ST3GAL3: variants seen among roughly 807,000 people sequenced by gnomAD.
ST3GAL3 encodes ST3 beta-galactoside alpha-2,3-sialyltransferase 3.
In ST3GAL3, 21 loss-of-function variants were observed where a neutral mutation model predicts 50.1. The ratio of observed to expected loss-of-function variants is 0.42; its 90% CI spans 0.30 to 0.60. The LOEUF (loss-of-function observed/expected upper bound fraction) is 0.60. Among genes scored for constraint, ST3GAL3 ranks in the 20% least tolerant of loss-of-function variants. ST3GAL3 has a pLI of 0.19. For synonymous variants in ST3GAL3, 183 were observed against 190.0 expected (o/e 0.96, Z 0.30); for missense variants, 353 against 489.4 (o/e 0.72, Z 2.63).
chr1:43,761,847 A>T (rs1187131841), intron 2 of ST3GAL3, among the ~76,000 whole-genome samples: 1 of 145,998 alleles, frequency 6.8e-6, no homozygotes. Context: ...GCTACTCGGG[A>T]GGCTGGGGCA....
At chr1:43,879,602 A>C in intron 5 of ST3GAL3, 1 of 362,424 alleles carries the variant, frequency 2.8e-6, no homozygotes, top group South Asian at 2.1e-5. Context: ...AGATGAGTCA[A>C]GAATGACTCC....
intron 9 of ST3GAL3, among the ~76,000 whole-genome samples, chr1:43,902,137 G>A (rs1259982931): frequency 6.6e-6 from 1 of 152,176 alleles, no homozygotes; most frequent in African/African-American, 2.4e-5. Context: ...CTCCTGTCTG[G>A]TGCCCTAGTC....
At chr1:43,894,069 G>T in intron 5 of ST3GAL3, 1 of 406,806 alleles carries the variant, frequency 2.5e-6, no homozygotes, top group Non-Finnish European at 4.7e-6. Context: ...ACTATTTGAT[G>T]AATGCCTGCA....
chr1:43,792,233 C>A, intron 3 of ST3GAL3, 84 bp downstream of exon 3: 1 of 1,546,242 alleles, frequency 6.5e-7, no homozygotes, highest in East Asian at 2.2e-5. Context: ...TATGGGTTTG[C>A]TGGGGAGGGC....
intron 2 of ST3GAL3, among the ~76,000 whole-genome samples, chr1:43,766,580 C>T (rs79426809): frequency 6.6e-6 from 1 of 151,750 alleles, no homozygotes; most frequent in African/African-American, 2.4e-5. Context: ...GAGCTGAGAG[C>T]GGCTTGTGAG....
At chr1:43,791,584 A>G (rs1289565365) in intron 2 of ST3GAL3, among the ~76,000 whole-genome samples, 1 of 152,158 alleles carries the variant, frequency 6.6e-6, no homozygotes, top group Admixed American at 6.5e-5. Context: ...ACATTTCCCC[A>G]ACTATATAGT....
At chr1:43,720,063 T>G (rs1669646264) in intron 1 of ST3GAL3, among the ~76,000 whole-genome samples, 1 of 150,690 alleles carries the variant, frequency 6.6e-6, no homozygotes, top group Non-Finnish European at 1.5e-5. Context: ...TGCAACACAG[T>G]GAGACCCCAT....
chr1:43,858,101 C>G, intron 5 of ST3GAL3: 3 of 1,288,618 alleles, frequency 2.3e-6, no homozygotes, highest in Non-Finnish European at 2.0e-6. Context: ...CCTTTCTGAG[C>G]CTCACCTTCC....
chr1:43,929,216 T>G (rs2084588320), intron 11 of ST3GAL3, among the ~76,000 whole-genome samples: 1 of 152,212 alleles, frequency 6.6e-6, no homozygotes. Context: ...TGGCTTGATT[T>G]AATTATTCCA....
chr1:43,756,116 A>AAAAAAAAAG (rs763780680), intron 2 of ST3GAL3, among the ~76,000 whole-genome samples: 46 of 136,792 alleles, frequency 3.4e-4, no homozygotes, highest in African/African-American at 4.4e-4. Context: ...AAAAAAAAAA[A>AAAAAAAAAG]AAGAAGAAGA....
chr1:43,758,201 T>A (rs565289274), intron 2 of ST3GAL3, among the ~76,000 whole-genome samples: 62 of 136,744 alleles, frequency 4.5e-4, no homozygotes, highest in African/African-American at 1.6e-3. Context: ...ATCCAATCAA[T>A]ATTTGGCATT....
intron 5 of ST3GAL3, among the ~76,000 whole-genome samples, chr1:43,889,998 C>T (rs1427443764): frequency 6.6e-6 from 1 of 152,180 alleles, no homozygotes; most frequent in African/African-American, 2.4e-5. Context: ...TGCCTGTAGT[C>T]CTAGCTACGC....
intron 5 of ST3GAL3, among the ~76,000 whole-genome samples, chr1:43,874,548 A>T (rs1407581422): frequency 6.6e-6 from 1 of 152,242 alleles, no homozygotes; most frequent in Non-Finnish European, 1.5e-5. Context: ...GGGGTTTAAT[A>T]TGGATAAACA....
chr1:43,927,822 G>A (rs1175619224), intron 11 of ST3GAL3, among the ~76,000 whole-genome samples: 1 of 152,166 alleles, frequency 6.6e-6, no homozygotes, highest in East Asian at 1.9e-4. Context: ...GGGCCGGAGG[G>A]CTTTAGGGAG....
At chr1:43,746,676 A>C (rs573161194) in intron 2 of ST3GAL3, among the ~76,000 whole-genome samples, 1 of 151,114 alleles carries the variant, frequency 6.6e-6, no homozygotes, top group African/African-American at 2.4e-5. Flanking sequence ...GTTGGCCAGG[A>C]TGGTCTCAAT....
At chr1:43,747,972 A>T (rs1684510328) in intron 2 of ST3GAL3, among the ~76,000 whole-genome samples, 1 of 151,948 alleles carries the variant, frequency 6.6e-6, no homozygotes, top group Admixed American at 6.6e-5. Context: ...AGCCCTCCAA[A>T]CACATTGTTG....
At chr1:43,855,204 A>G (rs1002414502) in intron 5 of ST3GAL3, among the ~76,000 whole-genome samples, 1 of 152,140 alleles carries the variant, frequency 6.6e-6, no homozygotes, top group Non-Finnish European at 1.5e-5. Context: ...TTTTTAGAGC[A>G]CCTACCGTGT....
intron 11 of ST3GAL3, among the ~76,000 whole-genome samples, chr1:43,925,717 G>T (rs962225576): frequency 6.6e-6 from 1 of 152,206 alleles, no homozygotes; most frequent in Non-Finnish European, 1.5e-5. Flanking sequence ...GGAGACACAT[G>T]GACCAAGGAT....
chr1:43,797,973 T>A (rs1389749763), intron 3 of ST3GAL3, among the ~76,000 whole-genome samples: 1 of 152,208 alleles, frequency 6.6e-6, no homozygotes, highest in Non-Finnish European at 1.5e-5. Flanking sequence ...TTAAAACACA[T>A]AGCAGCTTCC....
Sources: gnomAD v4.1 joint callset for allele counts (sites outside exome capture counted in the v4.1 genomes callset) on GRCh38, gnomAD v4.1.1 for gene constraint, MANE v1.5 for transcripts, NCBI Gene and HGNC (gene_info 2026-07-23, HGNC 2026-07-21) for gene names.